SNTB1: variants seen among roughly 807,000 people sequenced by gnomAD.
SNTB1 encodes the protein beta-1-syntrophin.
A neutral mutation model predicts 48.9 loss-of-function variants in SNTB1; 36 were observed. The observed-to-expected ratio is 0.74, with a 90% CI of 0.56 to 0.97. The LOEUF (loss-of-function observed/expected upper bound fraction) is 0.97. Among genes scored for constraint, SNTB1 ranks in the 50% least tolerant of loss-of-function variants. SNTB1 has a pLI of 0.00. For missense variants in SNTB1, 786 were observed against 703.4 expected, an observed-to-expected ratio of 1.12 and a Z score of -1.33; for synonymous variants, 299 against 294.6, an observed-to-expected ratio of 1.01 and a Z score of -0.15.
intron 4 of SNTB1, among the ~76,000 whole-genome samples, chr8:120,565,797 C>G (rs1815738641): frequency 1.3e-5 from 2 of 152,128 alleles, no homozygotes; most frequent in African/African-American, 4.8e-5. Context: ...GTCTGTGTCC[C>G]CCCAAAATTC....
chr8:120,652,728 T>C (rs1817428471), intron 2 of SNTB1, among the ~76,000 whole-genome samples: 1 of 152,182 alleles, frequency 6.6e-6, no homozygotes, highest in Non-Finnish European at 1.5e-5. Context: ...ACAGGGTTAC[T>C]GGAGTATCAA....
At chr8:120,559,985 G>C (rs1233765138) in intron 4 of SNTB1, among the ~76,000 whole-genome samples, 1 of 151,998 alleles carries the variant, frequency 6.6e-6, no homozygotes, top group East Asian at 1.9e-4. Flanking sequence ...GTTCTGGCGA[G>C]CTCAAATACT....
intron 1 of SNTB1, among the ~76,000 whole-genome samples, chr8:120,730,256 T>C (rs1451290066): frequency 6.6e-6 from 1 of 152,076 alleles, no homozygotes; most frequent in Non-Finnish European, 1.5e-5. Flanking sequence ...GCCTCCTGGG[T>C]TCAAGTGATT....
Position 120,811,598 on chromosome 8 carries a change from C to A in SNTB1, c.246G>T (p.Ala82=). The change falls in exon 1 of 7, where the codon GCG becomes GCT. Residue 82 remains alanine (A), a synonymous_variant. Transcript: ENST00000517992. ...AGAGHPGAGG[A]QPPDSPAGVR... ...CCCCGGCGGGCGAGTCCGGGGGCTG[C>A]GCGCCGCCCGCGCCCGGGTGCCCAG... The A allele has an allele frequency of 1.3e-6, 2 of 1,567,070 alleles. No homozygotes were observed. Among genetic ancestry groups the A allele is most frequent in the Non-Finnish European group, 8.6e-7 (1 of 1,160,302 alleles).
chr8:120,811,537 G>A lies in SNTB1; in HGVS notation c.307C>T (p.Pro103Ser), dbSNP rs996665812. ...TAFTDLPEQV[P>S]ESISNQKRGV... ...CGCTTCTGGTTCGAGATGGACTCGG[G>A]CACCTGCTCGGGCAGGTCGGTGAAA... Residue 103 changes from proline to serine, a missense_variant, in exon 1 of 7, where the codon CCC becomes TCC. Coordinates refer to ENST00000517992, the MANE Select transcript of SNTB1 (RefSeq NM_021021.4). 6.2e-7 allele frequency: 1 copy of A among 1,607,816 alleles called. No homozygotes were observed. Among genetic ancestry groups the A allele is most frequent in the Non-Finnish European group, 8.5e-7 (1 of 1,177,172 alleles).
intron 2 of SNTB1, among the ~76,000 whole-genome samples, chr8:120,659,927 A>T (rs1266555462): frequency 6.6e-6 from 1 of 152,198 alleles, no homozygotes; most frequent in African/African-American, 2.4e-5. Context: ...GACCAGTTAC[A>T]GTGTCAATAA....
chr8:120,761,000 C>G (rs147742890), intron 1 of SNTB1, among the ~76,000 whole-genome samples: 118 of 152,122 alleles, frequency 7.8e-4, no homozygotes, highest in African/African-American at 2.5e-3. Context: ...AAAGAACACA[C>G]GCAAAAGTTA....
At chr8:120,644,072 C>T (rs1367388771) in intron 2 of SNTB1, among the ~76,000 whole-genome samples, 1 of 152,042 alleles carries the variant, frequency 6.6e-6, no homozygotes, top group African/African-American at 2.4e-5. Flanking sequence ...TGTAAAAAGC[C>T]TGTTAGCAAA....
At chr8:120,703,311 T>C (rs1272438654) in intron 1 of SNTB1, among the ~76,000 whole-genome samples, 1 of 152,126 alleles carries the variant, frequency 6.6e-6, no homozygotes, top group Non-Finnish European at 1.5e-5. Flanking sequence ...TTTTAGTAGA[T>C]ACGAGGTTGC....
In SNTB1 at chr8:120,693,716, A is replaced by T; in HGVS notation, c.764T>A (p.Met255Lys). The T allele has an allele frequency of 1.9e-6, 3 of 1,613,992 alleles. No individual in the cohort carries two copies. In the Admixed American group the frequency reaches 5.0e-5, roughly 27 times the overall value. Residue 255 changes from methionine (M) to lysine (K), a missense_variant, in exon 2 of 7, where the codon ATG becomes AAG. By Grantham distance (95) the Met-to-Lys change is moderately conservative (BLOSUM62 -1). Transcript: ENST00000517992. The part of the protein sequence containing the change: ...PLKMCYVTRS[M>K]ALADPENRQL... ...CCTGTTCTCAGGGTCGGCCAAGGCC[A>T]TACTCCGAGTGACGTAGCACATTTT...
chr8:120,730,380 G>A (rs1420570380), intron 1 of SNTB1, among the ~76,000 whole-genome samples: 1 of 152,010 alleles, frequency 6.6e-6, no homozygotes, highest in Non-Finnish European at 1.5e-5. Context: ...GTAGAGTAGG[G>A]TTTCGCCATG....
chr8:120,612,937 A>G (rs1252315595), intron 3 of SNTB1, among the ~76,000 whole-genome samples: 1 of 152,230 alleles, frequency 6.6e-6, no homozygotes, highest in Non-Finnish European at 1.5e-5. Context: ...ATTTTGAAAT[A>G]TATAATATAT....
chr8:120,778,056 C>T (rs952389482), intron 1 of SNTB1, among the ~76,000 whole-genome samples: 2 of 152,224 alleles, frequency 1.3e-5, no homozygotes, highest in Non-Finnish European at 2.9e-5. Context: ...TTTACTTCTG[C>T]CACATCCAAA....
At chr8:120,803,292 AGT>A (rs1820262703) in intron 1 of SNTB1, among the ~76,000 whole-genome samples, 1 of 152,100 alleles carries the variant, frequency 6.6e-6, no homozygotes. Context: ...CCTGTTTGAG[AGT>A]GGCGCTCACT....
intron 3 of SNTB1, among the ~76,000 whole-genome samples, chr8:120,604,901 G>T (rs896514972): frequency 6.6e-6 from 1 of 152,174 alleles, no homozygotes; most frequent in Non-Finnish European, 1.5e-5. Context: ...AAGATGTGCT[G>T]CTTCTTCAAG....
At chr8:120,636,795 C>G (rs1817087258) in intron 2 of SNTB1, 2 of 158,142 alleles carry the variant, frequency 1.3e-5, no homozygotes, top group Admixed American at 1.3e-4. Context: ...ATTTCTAGTT[C>G]TAGATCCCTG....
chr8:120,749,056 A>T (rs1415158403), intron 1 of SNTB1, among the ~76,000 whole-genome samples: 3 of 152,260 alleles, frequency 2.0e-5, no homozygotes, highest in Non-Finnish European at 4.4e-5. Flanking sequence ...ATAAATCTAA[A>T]TTATAAAAAA....
intron 1 of SNTB1, among the ~76,000 whole-genome samples, chr8:120,736,390 A>G (rs976783814): frequency 2.6e-5 from 4 of 152,162 alleles, no homozygotes; most frequent in Non-Finnish European, 5.9e-5. Context: ...CCTTAGACAA[A>G]CGTAAGACTC....
chr8:120,735,999 G>A (rs567081253), intron 1 of SNTB1, among the ~76,000 whole-genome samples: 2 of 152,296 alleles, frequency 1.3e-5, no homozygotes, highest in South Asian at 4.1e-4. Context: ...CTAAAGGAAA[G>A]AGGTTTAATT....
Sources: gnomAD v4.1 joint callset for allele counts (sites outside exome capture counted in the v4.1 genomes callset) on GRCh38, gnomAD v4.1.1 for gene constraint, MANE v1.5 for transcripts, NCBI Gene and HGNC (gene_info 2026-07-23, HGNC 2026-07-21) for gene names.